The following CENPF variants were observed in gnomAD, a reference collection of about 807,000 sequenced individuals.
The protein encoded by CENPF is AH antigen.
CENPF carries 214 observed loss-of-function variants against 307.3 expected under a neutral mutation model. That is an observed-to-expected ratio of 0.70 (90% CI 0.62 to 0.78). The LOEUF is 0.78. Ranked by LOEUF, CENPF falls within the 30% of genes least tolerant of loss-of-function variation. CENPF has a pLI of 0.00. For missense variants in CENPF, 3,401 were observed against 3,483.9 expected (o/e 0.98, Z 0.60); for synonymous variants, 1,259 against 1,270.6 (o/e 0.99, Z 0.19).
rs183667728 is a variant in CENPF at position 214,637,739 on chromosome 1, G to A, written c.1447-127G>A. On this transcript the variant is annotated intron_variant, in intron 10 of 19. Transcript: ENST00000366955. Reference sequence around the variant, plus strand: ...GTCTGACTTCATTAGGTACTCAAACGGGGAAATTGTGATTCTTTCCCTAGT... The same window carrying A: ...GTCTGACTTCATTAGGTACTCAAACAGGGAAATTGTGATTCTTTCCCTAGT... 2.8e-5 allele frequency: 25 copies of A among 880,750 alleles called. No individual in the cohort carries two copies. The East Asian group carries it at 5.8e-4, about 20-fold the overall frequency. The allele number at this position is 880,750 out of a possible 1,614,324, so 54.6% of individuals were successfully genotyped here. A position where few individuals can be genotyped will look rare whatever the true frequency, so the allele number is the denominator to read the frequency against.
chr1:214,619,192 A>C lies in CENPF; in HGVS notation c.545A>C (p.Glu182Ala). 1.3e-6 allele frequency: 2 copies of C among 1,586,194 alleles called. No homozygotes were observed. The highest frequency in any genetic ancestry group is 1.7e-6 in the Non-Finnish European group (2 of 1,157,404). Residue 182 changes from glutamate to alanine, a missense_variant, in exon 5 of 20, where the codon GAG becomes GCG. By Grantham distance (107) the Glu-to-Ala change is moderately radical. Transcript: ENST00000366955. ...NKEVEERKRL[E>A]AEVKALQAKK... is the part of the protein sequence containing the mutation. ...GAGGTTGAAGAACGAAAAAGATTAGAGGCAGAGGTTAAAGCCTTGCAGGCT... is the reference window on the plus strand; with the variant it reads ...GAGGTTGAAGAACGAAAAAGATTAGCGGCAGAGGTTAAAGCCTTGCAGGCT...
chr1:214,631,347 C>T (rs994534188), intron 9 of CENPF, among the ~76,000 whole-genome samples: 1 of 152,192 alleles, frequency 6.6e-6, no homozygotes, highest in African/African-American at 2.4e-5. Context: ...TCAACATTTT[C>T]TTGTTCCCTG....
intron 8 of CENPF, among the ~76,000 whole-genome samples, chr1:214,630,146 A>C (rs1457869368): frequency 6.6e-6 from 1 of 152,118 alleles, no homozygotes; most frequent in Non-Finnish European, 1.5e-5. Flanking sequence ...AGTGGTATAC[A>C]GTTTTTTGTG....
rs1658107177 is a variant in CENPF at position 214,641,356 on chromosome 1, A to G, written c.3018A>G (p.Glu1006=). Residue 1006 remains glutamate (E), a synonymous_variant, in exon 12 of 20, where the codon GAA becomes GAG. Coordinates refer to ENST00000366955, the MANE Select transcript of CENPF (RefSeq NM_016343.4). ...AGAGTTTTGCAAACTATATAGATGA[A>G]AGGGAGAAAAGCATTTCAGAGTTAT... ...KSESFANYID[E]REKSISELSD... 1.2e-6 allele frequency: 2 copies of G among 1,610,140 alleles called. No homozygotes were observed. Among genetic ancestry groups the G allele is most frequent in the Non-Finnish European group, 8.5e-7 (1 of 1,179,086 alleles).
At chr1:214,614,100 A>G (rs1571694938) in intron 2 of CENPF, among the ~76,000 whole-genome samples, 184 bp downstream of exon 2, 1 of 40,642 alleles carries the variant, frequency 2.5e-5, no homozygotes, top group East Asian at 6.2e-4. Context: ...CCAGGCCCCA[A>G]TCCCCTTCTT....
chr1:214,648,834 T>G lies in CENPF; in HGVS notation c.7983+7T>G, dbSNP rs1344183284. 5 of 1,612,818 alleles carry G rather than the reference T, an allele frequency of 3.1e-6. No homozygotes were observed. The South Asian group carries it at 5.5e-5, about 18-fold the overall frequency. ...AGAAATAAAGAGCAGCAAAGTAAGT[T>G]TCTTTGTGACAAGTGTTATTATGAT... On this transcript the variant is annotated splice_region_variant and intron_variant, in intron 14 of 19. Transcript: ENST00000366955.
intron 7 of CENPF, among the ~76,000 whole-genome samples, chr1:214,625,386 A>G (rs967534400): frequency 1.3e-5 from 2 of 151,928 alleles, no homozygotes. Context: ...ATGCCCGGCT[A>G]ATTTTTGTAT....
At chr1:214,633,396 G>A (rs1291893268) in intron 10 of CENPF, among the ~76,000 whole-genome samples, 2 of 152,232 alleles carry the variant, frequency 1.3e-5, no homozygotes, top group Non-Finnish European at 1.5e-5. Flanking sequence ...ACAATTTGAA[G>A]AGAGCCATAA....
intron 1 of CENPF, among the ~76,000 whole-genome samples, chr1:214,611,589 C>T (rs533880039): frequency 1.3e-5 from 2 of 152,318 alleles, no homozygotes; most frequent in South Asian, 4.1e-4. Flanking sequence ...TGGTCTTGAA[C>T]TCCTGACCTC....
intron 14 of CENPF, among the ~76,000 whole-genome samples, chr1:214,649,606 C>G (rs1413126146): frequency 6.6e-6 from 1 of 152,158 alleles, no homozygotes; most frequent in Non-Finnish European, 1.5e-5. Context: ...TTGTTCTTTT[C>G]TTTAAATATA....
chr1:214,657,113 G>A lies in CENPF; in HGVS notation c.8666G>A (p.Cys2889Tyr). The change falls in exon 18 of 20, where the codon TGT (cysteine) becomes TAT (tyrosine). Residue 2889 changes from cysteine (C) to tyrosine (Y), a missense_variant. By Grantham distance (194) the Cys-to-Tyr change is radical (BLOSUM62 -2). Coordinates refer to ENST00000366955, the MANE Select transcript of CENPF (RefSeq NM_016343.4). Reference protein sequence around the residue: ...EMLETQVAHLCSQQSKQDSRG... With the variant: ...EMLETQVAHLYSQQSKQDSRG... ...TTAGAGACACAAGTGGCCCATCTGT[G>A]TTCACAGCAATCTAAACAAGATTCC... 6.2e-7 allele frequency: 1 copy of A among 1,614,190 alleles called. No individual in the cohort carries two copies. Among genetic ancestry groups the A allele is most frequent in the Middle Eastern group, 1.6e-4 (1 of 6,062 alleles).
intron 7 of CENPF, among the ~76,000 whole-genome samples, chr1:214,622,987 G>A (rs947913191): frequency 2.6e-5 from 4 of 152,178 alleles, no homozygotes; most frequent in Non-Finnish European, 4.4e-5. Context: ...TGAGACACGC[G>A]GATCACTTGA....
At position 214,652,923 on chromosome 1, in the gene CENPF, TAA is replaced by T. The variant is rs770491699; in HGVS notation, c.8258_8259del (p.Lys2753ArgfsTer5). On this transcript the variant is annotated frameshift_variant, in exon 16 of 20. Transcript: ENST00000366955. LOFTEE classifies it high-confidence loss of function. ...KLEIDLLKSS[K>X]EELNNSLKAT... is the part of the protein sequence containing the mutation. ...TGGAGATAGACCTTTTAAAGTCTAG[TAA>T]AGAAGAGCTCAATAATTCATTGAAA... is the stretch of plus-strand genomic sequence containing the variant. 1 of 1,608,316 alleles carries T rather than the reference TAA, an allele frequency of 6.2e-7. No individual in the cohort carries two copies. The highest frequency in any genetic ancestry group is 1.1e-5 in the South Asian group (1 of 89,470).
chr1:214,621,550 A>G (rs916586598), intron 6 of CENPF, among the ~76,000 whole-genome samples: 11 of 152,134 alleles, frequency 7.2e-5, no homozygotes, highest in African/African-American at 2.7e-4. Flanking sequence ...ATTGGAACCA[A>G]TGTTGTGCGT....
In CENPF at chr1:214,652,886, G is replaced by A; in HGVS notation, c.8219G>A (p.Ser2740Asn). ...TTGACTTCTAAAGAAGAATGTCTCA[G>A]TTCACAGAAGCTGGAGATAGACCTT... ...EKLTSKEECL[S>N]SQKLEIDLLK... Residue 2740 changes from serine to asparagine, a missense_variant, in exon 16 of 20, where the codon AGT (serine) becomes AAT (asparagine). Coordinates refer to ENST00000366955, the MANE Select transcript of CENPF (RefSeq NM_016343.4). 3 of 1,608,910 alleles carry A rather than the reference G, an allele frequency of 1.9e-6. No individual in the cohort carries two copies. The highest frequency in any genetic ancestry group is 2.5e-6 in the Non-Finnish European group (3 of 1,178,214).
chr1:214,619,260 T>C (rs572212022), intron 5 of CENPF, 40 bp downstream of exon 5: 4 of 967,732 alleles, frequency 4.1e-6, no homozygotes, highest in African/African-American at 3.3e-5. Flanking sequence ...TATGCAGTTA[T>C]AGAATACTTT....
Position 214,641,582 on chromosome 1 carries a change from C to A in CENPF, c.3244C>A (p.His1082Asn). 6.5e-7 allele frequency: 1 copy of A among 1,538,936 alleles called. No homozygotes were observed. The highest frequency in any genetic ancestry group is 8.7e-7 in the Non-Finnish European group (1 of 1,149,116). Residue 1082 changes from histidine to asparagine, a missense_variant, in exon 12 of 20, where the codon CAC becomes AAC. By Grantham distance (68) the His-to-Asn change is moderately conservative (BLOSUM62 1). Transcript: ENST00000366955. ...GCTAAAGGAAGCATTTGCAAAGGAA[C>A]ACCAAGAATTCTTAACAAAATTAGC... ...EQLKEAFAKEHQEFLTKLAFA... is the reference protein window; with the variant it reads ...EQLKEAFAKENQEFLTKLAFA...
At chr1:214,616,831 CTTCCTCTTTCTTTCTT>C (rs1657351766) in intron 3 of CENPF, among the ~76,000 whole-genome samples, 1 of 145,298 alleles carries the variant, frequency 6.9e-6, no homozygotes, top group Admixed American at 6.9e-5. Context: ...TCTTTCCTTC[CTTCCTCTTTCTTTCTT>C]TCTTTCTTTC....
At position 214,640,217 on chromosome 1, in the gene CENPF, G is replaced by A. The variant is rs555088086; in HGVS notation, c.1879G>A (p.Glu627Lys). Reference protein sequence around the residue: ...TLFSCWKSENEKLLTQMESEK... With the variant: ...TLFSCWKSENKKLLTQMESEK... ...GTTTTCTTGTTGGAAAAGTGAAAAC[G>A]AAAAACTTTTAACTCAGATGGAATC... Residue 627 changes from glutamate to lysine, a missense_variant, in exon 12 of 20, where the codon GAA becomes AAA. Transcript: ENST00000366955. 1.1e-5 allele frequency: 18 copies of A among 1,601,118 alleles called. No homozygotes were observed. Among genetic ancestry groups the A allele is most frequent in the South Asian group, 4.6e-5 (4 of 87,366 alleles).
Sources: gnomAD v4.1 joint callset for allele counts (sites outside exome capture counted in the v4.1 genomes callset) on GRCh38, gnomAD v4.1.1 for gene constraint, MANE v1.5 for transcripts, NCBI Gene and HGNC (gene_info 2026-07-23, HGNC 2026-07-21) for gene names.